The following FRMD4A variants were observed in gnomAD, a reference collection of about 807,000 sequenced individuals.
FRMD4A encodes FERM domain containing 4A, also known as FERM domain-containing protein 4A.
A neutral mutation model predicts 129.1 loss-of-function variants in FRMD4A; 29 were observed. The ratio of observed to expected loss-of-function variants is 0.22; its 90% CI spans 0.17 to 0.31. The LOEUF is 0.31. Ranked by LOEUF, FRMD4A falls within the 10% of genes least tolerant of loss-of-function variation. The pLI, the probability that FRMD4A is intolerant of heterozygous loss-of-function variation, is 1.00. For missense variants in FRMD4A, 1,272 were observed against 1,375.8 expected (o/e 0.92, Z 1.19); for synonymous variants, 634 against 571.6 (o/e 1.11, Z -1.56).
chr10:13,699,737 G>T (rs930865867), intron 14 of FRMD4A, among the ~76,000 whole-genome samples: 4 of 152,128 alleles, frequency 2.6e-5, no homozygotes, highest in Admixed American at 2.6e-4. Context: ...TGAAATTAAC[G>T]TTCTCAGGTG....
At chr10:13,803,676 T>C (rs2093303708) in intron 4 of FRMD4A, among the ~76,000 whole-genome samples, 1 of 152,134 alleles carries the variant, frequency 6.6e-6, no homozygotes, top group African/African-American at 2.4e-5. Context: ...CCACGTTTTG[T>C]GAATCACTTC....
At chr10:14,153,242 T>C (rs1260494405) in intron 2 of FRMD4A, among the ~76,000 whole-genome samples, 1 of 152,176 alleles carries the variant, frequency 6.6e-6, no homozygotes, top group Non-Finnish European at 1.5e-5. Flanking sequence ...AATAAAGACA[T>C]TGACATTCTT....
chr10:14,125,720 C>G (rs537432766), intron 2 of FRMD4A, among the ~76,000 whole-genome samples: 1 of 150,374 alleles, frequency 6.7e-6, no homozygotes, highest in South Asian at 2.1e-4. Flanking sequence ...CTCTCACACA[C>G]AGACACACAC....
At chr10:14,042,827 G>A (rs572381483) in intron 2 of FRMD4A, among the ~76,000 whole-genome samples, 6 of 149,938 alleles carry the variant, frequency 4.0e-5, no homozygotes, top group East Asian at 2.0e-4. Context: ...TTAGGTGGGC[G>A]TGGTAGTGCA....
chr10:14,073,022 G>C (rs1241754081), intron 2 of FRMD4A, among the ~76,000 whole-genome samples: 1 of 151,180 alleles, frequency 6.6e-6, no homozygotes, highest in Non-Finnish European at 1.5e-5. Flanking sequence ...AAAAAGAAGG[G>C]ATAAAAAAAT....
At chr10:13,783,820 A>G (rs1161410415) in intron 5 of FRMD4A, among the ~76,000 whole-genome samples, 1 of 152,250 alleles carries the variant, frequency 6.6e-6, no homozygotes, top group Non-Finnish European at 1.5e-5. Flanking sequence ...ATGCATATTA[A>G]GCCAAATGAG....
chr10:14,064,265 A>G (rs1834951861), intron 2 of FRMD4A, among the ~76,000 whole-genome samples: 1 of 152,240 alleles, frequency 6.6e-6, no homozygotes, highest in Non-Finnish European at 1.5e-5. Flanking sequence ...TTCCGTAACT[A>G]CAGCCTTGCT....
intron 2 of FRMD4A, among the ~76,000 whole-genome samples, chr10:14,178,079 A>G (rs1431271809): frequency 6.6e-6 from 1 of 152,212 alleles, no homozygotes; most frequent in African/African-American, 2.4e-5. Flanking sequence ...GGGAAGTACT[A>G]TTCTTACTGC....
chr10:14,317,391 C>T (rs552359544), intron 2 of FRMD4A, among the ~76,000 whole-genome samples: 10 of 152,258 alleles, frequency 6.6e-5, no homozygotes, highest in African/African-American at 2.2e-4. Context: ...ACTTACCTCA[C>T]CCACCTATAA....
chr10:13,699,606 T>C (rs866078795), intron 14 of FRMD4A, among the ~76,000 whole-genome samples: 3 of 152,294 alleles, frequency 2.0e-5, no homozygotes, highest in African/African-American at 7.2e-5. Flanking sequence ...ATACACCTTT[T>C]CCTCTGTCCA....
At chr10:14,074,956 G>A (rs2131721798) in intron 2 of FRMD4A, 1 of 152,274 alleles carries the variant, frequency 6.6e-6, no homozygotes, top group South Asian at 2.1e-4. Flanking sequence ...AATCCTGCAG[G>A]TAGGGAGAAG....
intron 2 of FRMD4A, among the ~76,000 whole-genome samples, chr10:13,916,440 C>G (rs1186958065): frequency 1.3e-5 from 2 of 152,212 alleles, no homozygotes; most frequent in African/African-American, 2.4e-5. Flanking sequence ...TCTTTATTGC[C>G]CTTGAGCAAA....
chr10:14,196,164 T>TACAC (rs10536108), intron 2 of FRMD4A, among the ~76,000 whole-genome samples: 88 of 149,582 alleles, frequency 5.9e-4, no homozygotes, highest in Middle Eastern at 3.4e-3. Context: ...TGCACACACA[T>TACAC]ACACACACAC....
chr10:14,081,117 A>G (rs1228967356), intron 2 of FRMD4A, among the ~76,000 whole-genome samples: 1 of 152,142 alleles, frequency 6.6e-6, no homozygotes. Context: ...AGTCCTTTCT[A>G]GCTATCAATT....
rs541667866 is a variant in FRMD4A at position 13,905,786 on chromosome 10, C to G, written c.46-46874G>C. 4.6e-5 allele frequency among the ~76,000 whole-genome samples: 7 copies of G among 152,312 alleles called. No homozygotes were observed. The South Asian group carries it at 8.3e-4, about 18-fold the overall frequency. On this transcript the variant is annotated intron_variant, in intron 2 of 24. Transcript: ENST00000357447. ...TTGTATCCAAGTCAATTTTTAAGACCTCCAAAGTGCATTCCGTTTTTTCCG... is the reference window on the plus strand; with the variant it reads ...TTGTATCCAAGTCAATTTTTAAGACGTCCAAAGTGCATTCCGTTTTTTCCG...
intron 2 of FRMD4A, among the ~76,000 whole-genome samples, chr10:14,009,568 A>C (rs1237689813): frequency 1.3e-5 from 2 of 152,202 alleles, no homozygotes; most frequent in African/African-American, 4.8e-5. Flanking sequence ...TGGGGTGCGA[A>C]GGAAAGAAGC....
At chr10:14,070,037 G>A (rs956348742) in intron 2 of FRMD4A, among the ~76,000 whole-genome samples, 3 of 152,074 alleles carry the variant, frequency 2.0e-5, no homozygotes, top group African/African-American at 7.2e-5. Context: ...TGGTGGGACA[G>A]CTTATACAGC....
At position 13,656,791 on chromosome 10, in the gene FRMD4A, T is replaced by C. The variant is rs987552976; in HGVS notation, c.2798A>G (p.Gln933Arg). The C allele has an allele frequency of 2.5e-6, 4 of 1,592,316 alleles. No individual in the cohort carries two copies. The highest frequency in any genetic ancestry group is 3.5e-5 in the Admixed American group (2 of 57,696). ...CTCCTTGTGCGAGGCGGTGGAACGC[T>C]GGTACCACTGGCGCAGCTCGTCTGA... ...AVSDELRQWY[Q>R]RSTASHKEHS... is the part of the protein sequence containing the mutation. Residue 933 changes from glutamine (Q) to arginine (R), a missense_variant, in exon 22 of 25, where the codon CAG becomes CGG. Transcript: ENST00000357447.
At position 13,707,804 on chromosome 10, in the gene FRMD4A, G is replaced by GT. The variant is rs1360649549; in HGVS notation, c.760-692dup. On this transcript the variant is annotated intron_variant, in intron 12 of 24. Coordinates refer to ENST00000357447, the MANE Select transcript of FRMD4A (RefSeq NM_018027.5). ...CGCCCGGAAGGACGCTGCGGCCAGAGTCTCTCCCTCAAGCTTGGCCAGGGA... is the reference window on the plus strand; with the variant it reads ...CGCCCGGAAGGACGCTGCGGCCAGAGTTCTCTCCCTCAAGCTTGGCCAGGGA... 6 of 985,274 alleles carry GT rather than the reference G, an allele frequency of 6.1e-6. No homozygotes were observed. In the African/African-American group the frequency reaches 8.7e-5, roughly 14 times the overall value. The allele number at this position is 985,274 out of a possible 1,614,324, so 61.0% of individuals were successfully genotyped here. A position where few individuals can be genotyped will look rare whatever the true frequency, so the allele number is the denominator to read the frequency against.
Sources: allele counts gnomAD v4.1 joint callset (sites outside exome capture counted in the v4.1 genomes callset), GRCh38; gene constraint gnomAD v4.1.1; transcripts MANE v1.5; gene names NCBI Gene and HGNC (gene_info 2026-07-23, HGNC 2026-07-21).